Variants in SUFU observed in about 807,000 individuals in gnomAD.
The protein encoded by SUFU is SUFU negative regulator of hedgehog signaling, also known as suppressor of fused homolog.
Under a neutral mutation model 58.9 loss-of-function variants are expected in SUFU, and 7 were observed. The observed-to-expected ratio is 0.12, with a 90% CI of 0.07 to 0.22. SUFU has a LOEUF of 0.22. SUFU is among the 10% of genes least tolerant of loss of function. The pLI is 1.00. For missense variants in SUFU, 451 were observed against 641.3 expected (o/e 0.70, Z 3.20); for synonymous variants, 232 against 254.8 (o/e 0.91, Z 0.85).
chr10:102,618,760 G>C, intron 10 of SUFU: 1 of 473,580 alleles, frequency 2.1e-6, no homozygotes. Flanking sequence ...CAAGTGGAAA[G>C]GGCCTCCCTC....
chr10:102,575,185 G>T (rs1590045309), intron 3 of SUFU, among the ~76,000 whole-genome samples: 1 of 152,266 alleles, frequency 6.6e-6, no homozygotes, highest in Non-Finnish European at 1.5e-5. Context: ...CCACACTCCA[G>T]CCTGGGAAAC....
At position 102,619,965 on chromosome 10, in the gene SUFU, C is replaced by G; in HGVS notation, c.1296+2537C>G. The stretch of plus-strand genomic sequence containing the variant: ...GGGGACCCCAGCACAAAGAGGCCCA[C>G]CCTTGCTCCCTGCAGGCATCTCTTG... On this transcript the variant is annotated intron_variant, in intron 10 of 11. Transcript: ENST00000369902. The surrounding 1 kb of genome is among the most constrained non-coding windows in gnomAD (Gnocchi z 4.2). Among the ~76,000 whole-genome samples, 1 of 152,208 alleles carries G rather than the reference C, an allele frequency of 6.6e-6. No homozygotes were observed. The highest frequency in any genetic ancestry group is 2.1e-4 in the South Asian group (1 of 4,836).
At position 102,617,649 on chromosome 10, in the gene SUFU, C is replaced by A; in HGVS notation, c.1296+221C>A. The A allele has an allele frequency of 1.6e-6, 1 of 632,972 alleles. No individual in the cohort carries two copies. The highest frequency in any genetic ancestry group is 2.8e-6 in the Non-Finnish European group (1 of 351,656). The allele number at this position is 632,972 out of a possible 1,614,324, so 39.2% of individuals were successfully genotyped here. ...CTTCCTGACCTTCTCCCCCTGTCAC[C>A]TGAGACACAAGTGTTAACTCTCCAG... On this transcript the variant is annotated intron_variant, in intron 10 of 11. Transcript: ENST00000369902. The surrounding 1 kb of genome is among the most constrained non-coding windows in gnomAD (Gnocchi z 4.4).
At chr10:102,504,857 G>C (rs1424220862) in intron 1 of SUFU, among the ~76,000 whole-genome samples, 1 of 152,096 alleles carries the variant, frequency 6.6e-6, no homozygotes, top group African/African-American at 2.4e-5. Flanking sequence ...TGAGGGCCTG[G>C]TGCTTGTGGA....
chr10:102,534,008 A>G (rs1442100857), intron 2 of SUFU, among the ~76,000 whole-genome samples: 3 of 152,178 alleles, frequency 2.0e-5, no homozygotes, highest in African/African-American at 7.2e-5. Context: ...AGAAGTATCT[A>G]GGTCTGGTTC....
chr10:102,541,056 T>TC (rs2062793696), intron 2 of SUFU, among the ~76,000 whole-genome samples: 2 of 152,028 alleles, frequency 1.3e-5, no homozygotes, highest in South Asian at 4.2e-4. Context: ...TATCTTTTCT[T>TC]CCCCCTTTCA....
chr10:102,520,592 T>A (rs1003375910), intron 2 of SUFU, among the ~76,000 whole-genome samples: 3 of 152,198 alleles, frequency 2.0e-5, no homozygotes, highest in African/African-American at 7.2e-5. Context: ...TTCACTGCTC[T>A]AAAAATTCCT....
At chr10:102,530,269 C>G (rs1365172915) in intron 2 of SUFU, among the ~76,000 whole-genome samples, 2 of 151,984 alleles carry the variant, frequency 1.3e-5, no homozygotes, top group Admixed American at 1.3e-4. Flanking sequence ...CCACCTAAGT[C>G]CACCCAGAGA....
intron 2 of SUFU, among the ~76,000 whole-genome samples, chr10:102,521,633 T>C (rs2062552724): frequency 6.6e-6 from 1 of 152,158 alleles, no homozygotes; most frequent in Non-Finnish European, 1.5e-5. Context: ...GAGAGACTGG[T>C]ATGCAGATTT....
At chr10:102,511,535 T>TAA in intron 2 of SUFU, among the ~76,000 whole-genome samples, 1 of 152,306 alleles carries the variant, frequency 6.6e-6, no homozygotes, top group East Asian at 1.9e-4. Flanking sequence ...GTTTAGTACT[T>TAA]ACTGTCTTCC....
At chr10:102,602,019 A>C (rs1451357804) in intron 8 of SUFU, among the ~76,000 whole-genome samples, 1 of 152,248 alleles carries the variant, frequency 6.6e-6, no homozygotes, top group Non-Finnish European at 1.5e-5. Context: ...CCTGGGCAAT[A>C]GCAGCCGGGT....
At chr10:102,538,688 A>G (rs959398606) in intron 2 of SUFU, among the ~76,000 whole-genome samples, 1 of 152,194 alleles carries the variant, frequency 6.6e-6, no homozygotes, top group Non-Finnish European at 1.5e-5. Flanking sequence ...CCAGATTGGT[A>G]CATTTGTTAC....
intron 8 of SUFU, among the ~76,000 whole-genome samples, chr10:102,600,357 C>A (rs1370916815): frequency 6.6e-6 from 1 of 152,192 alleles, no homozygotes; most frequent in Non-Finnish European, 1.5e-5. Flanking sequence ...GGTGATCTAG[C>A]CTTCTTCTAT....
At chr10:102,609,291 C>G (rs2063596919) in intron 8 of SUFU, among the ~76,000 whole-genome samples, 1 of 152,058 alleles carries the variant, frequency 6.6e-6, no homozygotes, top group Admixed American at 6.5e-5. Flanking sequence ...ATAAAGATGT[C>G]TCTTATTATT....
intron 2 of SUFU, among the ~76,000 whole-genome samples, chr10:102,516,898 CG>C (rs1408434049): frequency 6.8e-6 from 1 of 147,508 alleles, no homozygotes; most frequent in Non-Finnish European, 1.5e-5. Context: ...CTGAGGTGGG[CG>C]GATCACCTGA....
chr10:102,511,873 G>T (rs2062404412), intron 2 of SUFU, among the ~76,000 whole-genome samples: 1 of 152,088 alleles, frequency 6.6e-6, no homozygotes, highest in Admixed American at 6.6e-5. Context: ...ACCACACCTG[G>T]CTAATTTTTC....
chr10:102,590,275 C>T (rs772376547), intron 3 of SUFU, among the ~76,000 whole-genome samples: 19 of 150,124 alleles, frequency 1.3e-4, no homozygotes, highest in Non-Finnish European at 2.1e-4. Flanking sequence ...AAGTGATTCT[C>T]CTGCCTCAGC....
At chr10:102,574,827 C>A (rs1004216341) in intron 3 of SUFU, among the ~76,000 whole-genome samples, 1 of 152,140 alleles carries the variant, frequency 6.6e-6, no homozygotes, top group Non-Finnish European at 1.5e-5. Context: ...GAGGCCAAGG[C>A]AGGCGGATCA....
At chr10:102,518,794 G>A (rs900465517) in intron 2 of SUFU, among the ~76,000 whole-genome samples, 1 of 151,656 alleles carries the variant, frequency 6.6e-6, no homozygotes, top group African/African-American at 2.4e-5. Flanking sequence ...CCATCCCAAA[G>A]TGCTGGGATT....
Sources: allele counts gnomAD v4.1 joint callset (sites outside exome capture counted in the v4.1 genomes callset), GRCh38; gene constraint gnomAD v4.1.1; non-coding constraint Gnocchi (gnomAD v3.1); transcripts MANE v1.5; gene names NCBI Gene and HGNC (gene_info 2026-07-23, HGNC 2026-07-21).